Variants in ZBTB20 observed in about 807,000 individuals in gnomAD.
ZBTB20 encodes the protein zinc finger and BTB domain containing 20, also known as zinc finger and BTB domain-containing protein 20.
In ZBTB20, 9 loss-of-function variants were observed where a neutral mutation model predicts 56.9. That is an observed-to-expected ratio of 0.16 (90% confidence interval 0.10 to 0.28). ZBTB20 has a LOEUF of 0.28. Among genes scored for constraint, ZBTB20 ranks in the 10% least tolerant of loss-of-function variants. The probability of loss-of-function intolerance (pLI) is 1.00; values close to 1 mark genes in which losing one functional copy is unlikely to be tolerated. For synonymous variants in ZBTB20, 417 were observed against 420.7 expected, an observed-to-expected ratio of 0.99 and a Z score of 0.11; for missense variants, 655 against 1,003.0, an observed-to-expected ratio of 0.65 and a Z score of 4.69.
At chr3:114,510,231 A>G (rs2045185353) in intron 6 of ZBTB20, among the ~76,000 whole-genome samples, 1 of 152,154 alleles carries the variant, frequency 6.6e-6, no homozygotes. Context: ...CAAACCATAG[A>G]TTCATTTTCA....
chr3:114,758,632 A>G (rs2068195294), intron 5 of ZBTB20, among the ~76,000 whole-genome samples: 2 of 152,176 alleles, frequency 1.3e-5, no homozygotes, highest in South Asian at 4.1e-4. Context: ...AACAAAATTT[A>G]TAATTACTAT....
chr3:114,700,351 G>A (rs2063317808), intron 5 of ZBTB20, among the ~76,000 whole-genome samples: 1 of 151,986 alleles, frequency 6.6e-6, no homozygotes, highest in Non-Finnish European at 1.5e-5. Context: ...TAATAAATAG[G>A]CCTTTGGTTT....
chr3:115,120,815 G>A (rs546373052), intron 1 of ZBTB20, among the ~76,000 whole-genome samples: 1 of 152,094 alleles, frequency 6.6e-6, no homozygotes, highest in South Asian at 2.1e-4. Flanking sequence ...TTGACTCAAG[G>A]CAGTAAATTA....
chr3:114,718,604 C>T (rs2064680735), intron 5 of ZBTB20, among the ~76,000 whole-genome samples: 1 of 152,010 alleles, frequency 6.6e-6, no homozygotes, highest in African/African-American at 2.4e-5. Flanking sequence ...ATAATCAAAG[C>T]CAAAATATAT....
intron 4 of ZBTB20, chr3:114,873,215 G>A (rs571431130): frequency 2.6e-5 from 4 of 152,132 alleles, no homozygotes; most frequent in African/African-American, 9.6e-5. Flanking sequence ...TCTCTTTTAT[G>A]GTCAACTGTA....
chr3:114,668,670 T>C (rs942670117), intron 6 of ZBTB20, among the ~76,000 whole-genome samples: 2 of 152,068 alleles, frequency 1.3e-5, no homozygotes, highest in African/African-American at 4.8e-5. Flanking sequence ...AGGCAGGAGA[T>C]GTTGAAAGGG....
intron 3 of ZBTB20, among the ~76,000 whole-genome samples, chr3:114,955,498 T>C (rs961972516): frequency 1.3e-5 from 2 of 152,184 alleles, no homozygotes; most frequent in African/African-American, 4.8e-5. Context: ...ACAACCACTC[T>C]CTAAAGACTG....
chr3:114,941,067 T>A (rs1560421133), intron 3 of ZBTB20, among the ~76,000 whole-genome samples: 1 of 146,390 alleles, frequency 6.8e-6, no homozygotes, highest in East Asian at 1.9e-4. Flanking sequence ...GTCAGTAAGT[T>A]ACAGACAGGA....
rs560210380 is a variant in ZBTB20, at chr3:114,494,123, G to T, written c.-255+6229C>A. 6.6e-5 allele frequency among the ~76,000 whole-genome samples: 10 copies of T among 152,324 alleles called. No individual in the cohort carries two copies. In the South Asian group the frequency reaches 2.1e-3, roughly 32 times the overall value. On this transcript the variant is annotated intron_variant, in intron 7 of 11. Transcript: ENST00000675478. ...AGGTTAAATCAGATAGCCATGAAAAGTATTTAGTCCAGTATCTAAAGCAAG... is the reference window on the plus strand; with the variant it reads ...AGGTTAAATCAGATAGCCATGAAAATTATTTAGTCCAGTATCTAAAGCAAG...
rs976128033 is a variant in ZBTB20, at chr3:114,336,980, A to C, written c.*2025T>G. ...TCCCTTCAGGACACTGTCTATAATG[A>C]AAATGTCTCTATTATAACACCTTGA... On this transcript the variant is annotated 3_prime_UTR_variant, in exon 12 of 12. Transcript: ENST00000675478. The C allele has an allele frequency of 2.0e-5, 3 of 152,192 alleles. No homozygotes were observed. The highest frequency in any genetic ancestry group is 4.4e-5 in the Non-Finnish European group (3 of 68,014). 9.4% of individuals were successfully genotyped at this position (152,192 alleles called of 1,614,324 possible).
chr3:114,976,325 CA>C (rs1042809909), intron 2 of ZBTB20, among the ~76,000 whole-genome samples: 2 of 151,948 alleles, frequency 1.3e-5, no homozygotes, highest in South Asian at 2.1e-4. Flanking sequence ...ACAGTCAAAA[CA>C]AAAAAATCTG....
intron 2 of ZBTB20, among the ~76,000 whole-genome samples, chr3:115,067,618 T>A (rs566004512): frequency 6.6e-6 from 1 of 152,042 alleles, no homozygotes; most frequent in Non-Finnish European, 1.5e-5. Context: ...ATCCCTCTGA[T>A]ACAGAGAAAT....
rs570679126 is a variant in ZBTB20, at chr3:114,702,445, T to C, written c.-342-8870A>G. Among the ~76,000 whole-genome samples, 133 of 152,024 alleles carry C rather than the reference T, an allele frequency of 8.7e-4. 1 individual carries two copies. Among genetic ancestry groups the C allele is most frequent in the Middle Eastern group, 6.8e-3 (2 of 292 alleles). ...GTGTGTGTCTATGTGCATATAAACC[T>C]ATAAATATACACATACACAGATGAA... On this transcript the variant is annotated intron_variant, in intron 5 of 11. Coordinates refer to ENST00000675478, the MANE Select transcript of ZBTB20 (RefSeq NM_001348800.3).
chr3:114,762,439 T>C (rs775593720), intron 5 of ZBTB20, among the ~76,000 whole-genome samples: 3 of 152,192 alleles, frequency 2.0e-5, no homozygotes, highest in Non-Finnish European at 4.4e-5. Context: ...ACCTAAACTA[T>C]GGCACAAATA....
At chr3:114,894,042 CA>C (rs1259992036) in intron 4 of ZBTB20, among the ~76,000 whole-genome samples, 1 of 152,140 alleles carries the variant, frequency 6.6e-6, no homozygotes, top group Non-Finnish European at 1.5e-5. Flanking sequence ...ACAACAACAA[CA>C]ACAACAAAAC....
At chr3:114,804,280 T>C (rs1363649973) in intron 4 of ZBTB20, among the ~76,000 whole-genome samples, 1 of 151,984 alleles carries the variant, frequency 6.6e-6, no homozygotes, top group Non-Finnish European at 1.5e-5. Context: ...GATCTTACCA[T>C]TGACTACGAA....
chr3:114,392,075 T>TA (rs2085926961), intron 7 of ZBTB20, among the ~76,000 whole-genome samples: 1 of 152,194 alleles, frequency 6.6e-6, no homozygotes, highest in South Asian at 2.1e-4. Flanking sequence ...AGGGTGGATT[T>TA]AAAAAACAAG....
chr3:114,857,881 C>T (rs1465697695), intron 4 of ZBTB20, among the ~76,000 whole-genome samples: 2 of 152,118 alleles, frequency 1.3e-5, no homozygotes, highest in South Asian at 4.1e-4. Flanking sequence ...AATCAGTGTC[C>T]CTTGTGGTGC....
intron 6 of ZBTB20, among the ~76,000 whole-genome samples, chr3:114,659,750 C>T (rs971025237): frequency 1.3e-5 from 2 of 152,138 alleles, no homozygotes; most frequent in African/African-American, 4.8e-5. Context: ...ATTTAAACAA[C>T]AAGCCTTGTG....
Sources: gnomAD v4.1 joint callset for allele counts (sites outside exome capture counted in the v4.1 genomes callset) on GRCh38, gnomAD v4.1.1 for gene constraint, MANE v1.5 for transcripts, NCBI Gene and HGNC (gene_info 2026-07-23, HGNC 2026-07-21) for gene names.